Variants in PLCL2 observed in about 807,000 individuals in gnomAD.
PLCL2 encodes the protein phospholipase C like 2, also known as inactive phospholipase C-like protein 2.
In PLCL2, 4 loss-of-function variants were observed where a neutral mutation model predicts 79.6. The ratio of observed to expected loss-of-function variants is 0.05; its 90% CI spans 0.02 to 0.11. The LOEUF (loss-of-function observed/expected upper bound fraction) is 0.11. Among genes scored for constraint, PLCL2 ranks in the 10% least tolerant of loss-of-function variants. The pLI is 1.00. For synonymous variants in PLCL2, 484 were observed against 457.7 expected (o/e 1.06, Z -0.73); for missense variants, 895 against 1,291.0 (o/e 0.69, Z 4.70).
At chr3:17,067,628 C>G (rs2065023177) in intron 4 of PLCL2, among the ~76,000 whole-genome samples, 1 of 152,182 alleles carries the variant, frequency 6.6e-6, no homozygotes, top group East Asian at 1.9e-4. Context: ...CTGGTCCCAG[C>G]CCTTCTTTCT....
At chr3:16,896,129 T>G (rs1696473548) in intron 1 of PLCL2, among the ~76,000 whole-genome samples, 1 of 152,240 alleles carries the variant, frequency 6.6e-6, no homozygotes, top group South Asian at 2.1e-4. Flanking sequence ...AATTAAATTG[T>G]GAACATTAAT....
chr3:17,068,084 C>T lies in PLCL2; in HGVS notation c.3204+19C>T, dbSNP rs768463429. 2 of 1,376,342 alleles carry T rather than the reference C, an allele frequency of 1.5e-6. No homozygotes were observed. Among genetic ancestry groups the T allele is most frequent in the East Asian group, 4.6e-5 (2 of 43,550 alleles). 85.3% of individuals were successfully genotyped at this position (1,376,342 alleles called of 1,614,324 possible). The stretch of plus-strand genomic sequence containing the variant: ...CTTAAAGGTATCTATAGAGTTGTTT[C>T]TGATGCTGGTGATTTTGCAGCCTCT... On this transcript the variant is annotated intron_variant, in intron 5 of 5. Coordinates refer to ENST00000615277, the MANE Select transcript of PLCL2 (RefSeq NM_001144382.2).
chr3:17,081,300 G>A (rs1044962938), intron 5 of PLCL2: 7 of 455,688 alleles, frequency 1.5e-5, no homozygotes, highest in Non-Finnish European at 3.1e-5. Flanking sequence ...AAAAGTGTCT[G>A]CTGGCCCCCA....
intron 1 of PLCL2, among the ~76,000 whole-genome samples, chr3:16,988,652 A>T (rs1241239371): frequency 5.9e-5 from 9 of 152,086 alleles, no homozygotes; most frequent in Non-Finnish European, 1.3e-4. Context: ...TATAAATGGT[A>T]TAATGTTGTG....
Position 17,011,035 on chromosome 3 carries a change from G to T in PLCL2, c.1689G>T (p.Gly563=), listed in dbSNP as rs748246496. ...SYLPSPDVLK[G]KILIKAKKLS... The stretch of plus-strand genomic sequence containing the variant: ...TACCATCCCCAGATGTCCTGAAAGG[G>T]AAAATACTAATTAAAGCAAAGAAGC... The change falls in exon 2 of 6, where the codon GGG becomes GGT. Residue 563 remains glycine, a synonymous_variant. Coordinates refer to ENST00000615277, the MANE Select transcript of PLCL2 (RefSeq NM_001144382.2). This position sits in a 1 kb window ranked among gnomAD's most constrained non-coding sequence, Gnocchi z 7.9. 3 of 1,613,902 alleles carry T rather than the reference G, an allele frequency of 1.9e-6. No individual in the cohort carries two copies. The highest frequency in any genetic ancestry group is 2.5e-6 in the Non-Finnish European group (3 of 1,180,016).
chr3:16,967,406 C>T (rs2063818433), intron 1 of PLCL2, among the ~76,000 whole-genome samples: 2 of 152,102 alleles, frequency 1.3e-5, no homozygotes, highest in African/African-American at 4.8e-5. Context: ...ATTCCCTTTT[C>T]TCTGTAACTT....
chr3:16,977,827 A>G (rs1023555658), intron 1 of PLCL2, among the ~76,000 whole-genome samples: 1 of 152,212 alleles, frequency 6.6e-6, no homozygotes, highest in African/African-American at 2.4e-5. Context: ...GAGGGTGGAA[A>G]GTCCAAGATC....
At chr3:16,952,647 G>A (rs528358904) in intron 1 of PLCL2, among the ~76,000 whole-genome samples, 6 of 152,076 alleles carry the variant, frequency 3.9e-5, no homozygotes, top group African/African-American at 1.4e-4. Context: ...ATGATCACAT[G>A]TTGAGAAAAA....
At chr3:16,918,808 C>G (rs552076053) in intron 1 of PLCL2, among the ~76,000 whole-genome samples, 1 of 152,258 alleles carries the variant, frequency 6.6e-6, no homozygotes, top group South Asian at 2.1e-4. Flanking sequence ...GCTCTTTGTG[C>G]TCACATAGCA....
rs534651659 is a variant in PLCL2 at position 16,979,748 on chromosome 3, G to A, written c.328-29926G>A. ...TCCCATGTCTACCTCTTTCTACACA[G>A]ACACGGCAACCATCCGATTTCTCAA... On this transcript the variant is annotated intron_variant, in intron 1 of 5. Transcript: ENST00000615277. Among the ~76,000 whole-genome samples, 467 of 147,410 alleles carry A rather than the reference G, an allele frequency of 3.2e-3. 3 individuals are homozygous for A. The highest frequency in any genetic ancestry group is 4.3e-3 in the Non-Finnish European group (284 of 66,804).
chr3:17,006,871 G>A (rs913864015), intron 1 of PLCL2, among the ~76,000 whole-genome samples: 1 of 152,072 alleles, frequency 6.6e-6, no homozygotes, highest in Non-Finnish European at 1.5e-5. Flanking sequence ...TTGCTATTAG[G>A]CCTTTTCCCT....
At chr3:16,944,752 A>T (rs1044254851) in intron 1 of PLCL2, among the ~76,000 whole-genome samples, 3 of 146,362 alleles carry the variant, frequency 2.0e-5, no homozygotes, top group Non-Finnish European at 3.0e-5. Flanking sequence ...AATGTATTGT[A>T]CTCCGGGTTT....
intron 5 of PLCL2, among the ~76,000 whole-genome samples, chr3:17,071,155 G>A (rs1262422622): frequency 5.3e-5 from 8 of 152,062 alleles, no homozygotes; most frequent in Non-Finnish European, 1.2e-4. Flanking sequence ...AAGGAGGTAG[G>A]GTGGCCAGCC....
chr3:17,003,790 T>C (rs1016118211), intron 1 of PLCL2, among the ~76,000 whole-genome samples: 1 of 152,192 alleles, frequency 6.6e-6, no homozygotes, highest in Non-Finnish European at 1.5e-5. Flanking sequence ...CAAGAGGTTC[T>C]GCTACCCCCT....
intron 1 of PLCL2, among the ~76,000 whole-genome samples, chr3:16,970,058 A>ATATTTTT (rs1553640074): frequency 1.4e-5 from 2 of 145,756 alleles, no homozygotes; most frequent in Admixed American, 1.4e-4. Context: ...ATATATATAT[A>ATATTTTT]TTTTATTTTA....
At chr3:17,017,720 A>G (rs1291958978) in intron 3 of PLCL2, among the ~76,000 whole-genome samples, 1 of 152,218 alleles carries the variant, frequency 6.6e-6, no homozygotes, top group Non-Finnish European at 1.5e-5. Context: ...GCCAGTCTAC[A>G]TGCCTAAAGT....
chr3:16,952,217 A>G (rs1358018068), intron 1 of PLCL2, among the ~76,000 whole-genome samples: 1 of 151,898 alleles, frequency 6.6e-6, no homozygotes, highest in East Asian at 1.9e-4. Flanking sequence ...ATTAGGACAA[A>G]TACCTAATGC....
At chr3:17,068,687 T>C (rs193040236) in intron 5 of PLCL2, among the ~76,000 whole-genome samples, 26 of 152,318 alleles carry the variant, frequency 1.7e-4, no homozygotes, top group African/African-American at 5.5e-4. Context: ...AAAAGAGCAA[T>C]AATCAAAGGT....
chr3:17,054,029 C>G (rs2064869447), intron 4 of PLCL2, among the ~76,000 whole-genome samples: 2 of 152,168 alleles, frequency 1.3e-5, no homozygotes, highest in African/African-American at 4.8e-5. Context: ...CTTTTATGCT[C>G]TGTTTCCCTG....
Sources: allele counts gnomAD v4.1 joint callset (sites outside exome capture counted in the v4.1 genomes callset), GRCh38; gene constraint gnomAD v4.1.1; non-coding constraint Gnocchi (gnomAD v3.1); transcripts MANE v1.5; gene names NCBI Gene and HGNC (gene_info 2026-07-23, HGNC 2026-07-21).